RAB43: variants seen among roughly 807,000 people sequenced by gnomAD.
The protein encoded by RAB43 is RAB43, member RAS oncogene family.
Under a neutral mutation model 18.8 loss-of-function variants are expected in RAB43, and 6 were observed. The observed-to-expected ratio is 0.32, with a 90% confidence interval of 0.17 to 0.63. The LOEUF is 0.63. Among genes scored for constraint, RAB43 ranks in the 30% least tolerant of loss-of-function variants. RAB43 has a pLI of 0.79. For missense variants in RAB43, 195 were observed against 289.1 expected (o/e 0.67, Z 2.36); for synonymous variants, 103 against 124.1 (o/e 0.83, Z 1.13).
At chr3:129,118,823 G>C (rs960638185) in intron 1 of RAB43, among the ~76,000 whole-genome samples, 1 of 152,124 alleles carries the variant, frequency 6.6e-6, no homozygotes, top group South Asian at 2.1e-4. Flanking sequence ...CACTGCACCC[G>C]GCCCCTGGAA....
In RAB43 at chr3:129,107,815, T is replaced by C. The variant is rs1290011137; in HGVS notation, c.205-12646A>G. On this transcript the variant is annotated intron_variant, in intron 1 of 2. Coordinates refer to ENST00000315150, the MANE Select transcript of RAB43 (RefSeq NM_198490.3). This position sits in a 1 kb window ranked among gnomAD's most constrained non-coding sequence, Gnocchi z 4.2. ...CCCAACCCTCAAACCATCCCTCCAG[T>C]TCCCTGCTACTTTGGTCATCAACGA... 1.3e-5 allele frequency among the ~76,000 whole-genome samples: 2 copies of C among 152,088 alleles called. No individual in the cohort carries two copies. The highest frequency in any genetic ancestry group is 2.9e-5 in the Non-Finnish European group (2 of 68,008).
At position 129,090,130 on chromosome 3, in the gene RAB43, C is replaced by T. The variant is rs556160943; in HGVS notation, c.*966G>A. Reference sequence around the variant, plus strand: ...GAATAAAATGGGCCAGGCCAAGGACCGCCAGGGCCTCTCCTTTTTTGTCTG... The same window carrying T: ...GAATAAAATGGGCCAGGCCAAGGACTGCCAGGGCCTCTCCTTTTTTGTCTG... On this transcript the variant is annotated 3_prime_UTR_variant, in exon 3 of 3. Transcript: ENST00000315150. 4 of 151,686 alleles carry T rather than the reference C, an allele frequency of 2.6e-5. No homozygotes were observed. The East Asian group carries it at 5.9e-4, about 22-fold the overall frequency. 9.4% of individuals were successfully genotyped at this position (151,686 alleles called of 1,614,324 possible). A position where few individuals can be genotyped will look rare whatever the true frequency, so the allele number is the denominator to read the frequency against.
chr3:129,109,818 T>A (rs1485609577), intron 1 of RAB43, among the ~76,000 whole-genome samples: 1 of 151,722 alleles, frequency 6.6e-6, no homozygotes, highest in Admixed American at 6.6e-5. Flanking sequence ...GTAAAAAAAA[T>A]TTTGGAATGG....
chr3:129,092,695 G>A (rs1054763697), intron 2 of RAB43: 10 of 428,756 alleles, frequency 2.3e-5, no homozygotes, highest in Admixed American at 1.2e-4. Context: ...GGTGGCTCAC[G>A]CCTGTAATCC....
At chr3:129,121,256 G>A (rs1390897550) in intron 1 of RAB43, 30 bp downstream of exon 1, 3 of 1,557,356 alleles carry the variant, frequency 1.9e-6, no homozygotes, top group Admixed American at 3.8e-5. Context: ...CCGAGGGAGC[G>A]CCTTCCAGGG....
intron 1 of RAB43, among the ~76,000 whole-genome samples, chr3:129,108,887 T>A (rs892337559): frequency 6.6e-6 from 1 of 152,154 alleles, no homozygotes; most frequent in African/African-American, 2.4e-5. Flanking sequence ...GGGGGCTGCC[T>A]CCTGTGCTGC....
chr3:129,098,186 G>A (rs920899972), intron 1 of RAB43, among the ~76,000 whole-genome samples: 3 of 152,072 alleles, frequency 2.0e-5, no homozygotes, highest in Admixed American at 6.6e-5. Flanking sequence ...TCTCATTAGC[G>A]ACCCGTATAT....
At chr3:129,120,883 CTGGGGGCTGCCATCGCGGTGGATGGAGG>C (rs1204007538) in intron 1 of RAB43, among the ~76,000 whole-genome samples, 1 of 152,214 alleles carries the variant, frequency 6.6e-6, no homozygotes, top group Non-Finnish European at 1.5e-5. Flanking sequence ...GTGGGCTGAG[CTGGGGGCTGCCATCGCGGTGGATGGAGG>C]TGGGGGGTCT....
intron 2 of RAB43, among the ~76,000 whole-genome samples, chr3:129,091,775 A>G (rs773742741): frequency 6.6e-6 from 1 of 152,020 alleles, no homozygotes; most frequent in Non-Finnish European, 1.5e-5. Flanking sequence ...CAAAAAAAAA[A>G]AGAGTCTGGG....
At chr3:129,119,868 G>C (rs2107587662) in intron 1 of RAB43, among the ~76,000 whole-genome samples, 1 of 152,208 alleles carries the variant, frequency 6.6e-6, no homozygotes, top group South Asian at 2.1e-4. Flanking sequence ...CACATGAGGA[G>C]GACACCACTG....
chr3:129,113,697 A>C (rs1278818988), intron 1 of RAB43, among the ~76,000 whole-genome samples: 4 of 152,216 alleles, frequency 2.6e-5, no homozygotes, highest in African/African-American at 9.6e-5. Flanking sequence ...TATTAATGGC[A>C]AACGGTCCTT....
Position 129,096,682 on chromosome 3 carries a change from C to A in RAB43, c.205-1513G>T, listed in dbSNP as rs1007996221. Among the ~76,000 whole-genome samples the A allele has an allele frequency of 3.3e-5, 5 of 151,414 alleles. No individual in the cohort carries two copies. In the South Asian group the frequency reaches 1.0e-3, roughly 31 times the overall value. Reference sequence around the variant, plus strand: ...AAGAATAGTATCTTTTTTGGTGAGGCGCATTCAGAAAGAAAAAAGAGCTCA... The same window carrying A: ...AAGAATAGTATCTTTTTTGGTGAGGAGCATTCAGAAAGAAAAAAGAGCTCA... On this transcript the variant is annotated intron_variant, in intron 1 of 2. Coordinates refer to ENST00000315150, the MANE Select transcript of RAB43 (RefSeq NM_198490.3).
rs1032748555 is a variant in RAB43 at position 129,095,933 on chromosome 3, G to A, written c.205-764C>T. 4.5e-4 allele frequency among the ~76,000 whole-genome samples: 69 copies of A among 152,322 alleles called. No individual in the cohort carries two copies. The highest frequency in any genetic ancestry group is 1.5e-3 in the East Asian group (8 of 5,172). Reference sequence around the variant, plus strand: ...GCCAGGTAGGGGCAGAGGTCTGTGCGGGGCCAGGAGGCTGCCCACTCTGGG... The same window carrying A: ...GCCAGGTAGGGGCAGAGGTCTGTGCAGGGCCAGGAGGCTGCCCACTCTGGG... On this transcript the variant is annotated intron_variant, in intron 1 of 2. Coordinates refer to ENST00000315150, the MANE Select transcript of RAB43 (RefSeq NM_198490.3). This position sits in a 1 kb window ranked among gnomAD's most constrained non-coding sequence, Gnocchi z 4.2.
At chr3:129,116,521 A>G (rs1336346510) in intron 1 of RAB43, among the ~76,000 whole-genome samples, 2 of 152,240 alleles carry the variant, frequency 1.3e-5, no homozygotes, top group African/African-American at 4.8e-5. Flanking sequence ...GATTGGAAGG[A>G]CTGTGAATGC....
chr3:129,112,647 C>T (rs1268806721), intron 1 of RAB43, among the ~76,000 whole-genome samples: 1 of 152,216 alleles, frequency 6.6e-6, no homozygotes, highest in Non-Finnish European at 1.5e-5. Context: ...GCTGCCAGTG[C>T]CCAGCACATA....
intron 1 of RAB43, among the ~76,000 whole-genome samples, chr3:129,118,969 A>C (rs1412848674): frequency 6.6e-6 from 1 of 152,244 alleles, no homozygotes; most frequent in Non-Finnish European, 1.5e-5. Flanking sequence ...GGGTTGCCAC[A>C]GGATGAGGTG....
chr3:129,121,235 C>T (rs1935907437), intron 1 of RAB43, 51 bp downstream of exon 1: 3 of 1,485,286 alleles, frequency 2.0e-6, no homozygotes, highest in East Asian at 2.4e-5. Context: ...CCGCTGCCCC[C>T]GCCCCACCCT....
chr3:129,101,946 C>A (rs1309293473), intron 1 of RAB43, among the ~76,000 whole-genome samples: 2 of 152,246 alleles, frequency 1.3e-5, no homozygotes, highest in East Asian at 3.8e-4. Flanking sequence ...GGCCTGCCCA[C>A]ACCGTGCCCC....
rs550286423 is a variant in RAB43 at position 129,103,715 on chromosome 3, C to A, written c.205-8546G>T. ...AAGTAGCTGGGATTACAGGTGTGTG[C>A]CACCACGCCCGGCTAATTCTTTTAT... On this transcript the variant is annotated intron_variant, in intron 1 of 2. Transcript: ENST00000315150. 1.2e-4 allele frequency among the ~76,000 whole-genome samples: 19 copies of A among 152,310 alleles called. No individual in the cohort carries two copies. The East Asian group carries it at 1.9e-3, about 15-fold the overall frequency.
Sources: allele counts gnomAD v4.1 joint callset (sites outside exome capture counted in the v4.1 genomes callset), GRCh38; gene constraint gnomAD v4.1.1; non-coding constraint Gnocchi (gnomAD v3.1); transcripts MANE v1.5; gene names NCBI Gene and HGNC (gene_info 2026-07-23, HGNC 2026-07-21).